The following TEX11 variants were observed in gnomAD, a reference collection of about 807,000 sequenced individuals.
The protein encoded by TEX11 is testis expressed 11.
In TEX11, 7 loss-of-function variants were observed where a neutral mutation model predicts 84.4. The observed-to-expected ratio is 0.08, with a 90% CI of 0.05 to 0.16. TEX11 has a LOEUF of 0.16. Ranked by LOEUF, TEX11 falls within the 10% of genes least tolerant of loss-of-function variation. TEX11 has a pLI of 1.00. For synonymous variants in TEX11, 264 were observed against 222.8 expected, an observed-to-expected ratio of 1.18 and a Z score of -1.64; for missense variants, 551 against 660.5, an observed-to-expected ratio of 0.83 and a Z score of 1.82.
At chrX:70,850,361 A>T (rs1232146710) in intron 7 of TEX11, among the ~76,000 whole-genome samples, 1 of 111,746 alleles carries the variant, frequency 8.9e-6, no homozygotes, top group Non-Finnish European at 1.9e-5. Context: ...GACACTATGT[A>T]TCTATTAACA....
intron 11 of TEX11, among the ~76,000 whole-genome samples, chrX:70,732,126 A>G (rs1287614915): frequency 8.9e-6 from 1 of 111,783 alleles, no homozygotes; most frequent in Admixed American, 9.5e-5. Flanking sequence ...AAAACTCTGA[A>G]TAAATTAGGT....
intron 9 of TEX11, among the ~76,000 whole-genome samples, chrX:70,769,831 G>A (rs2090961643): frequency 9.0e-6 from 1 of 111,258 alleles, no homozygotes; most frequent in Non-Finnish European, 1.9e-5. Flanking sequence ...AATTCATTAT[G>A]TTTCCACTAG....
chrX:70,608,947 A>G (rs1684131696), intron 22 of TEX11, 144 bp downstream of exon 22: 2 of 450,421 alleles, frequency 4.4e-6, no homozygotes, highest in Non-Finnish European at 7.4e-6. Flanking sequence ...ATATATAACT[A>G]TTTCCATTTT....
intron 8 of TEX11, among the ~76,000 whole-genome samples, chrX:70,824,314 C>G (rs1392683829): frequency 1.8e-5 from 2 of 112,100 alleles, no homozygotes; most frequent in African/African-American, 6.5e-5. Flanking sequence ...ACTGAGGGTG[C>G]TTCTCTACTT....
At chrX:70,680,646 C>T (rs967012239) in intron 14 of TEX11, among the ~76,000 whole-genome samples, 4 of 110,263 alleles carry the variant, frequency 3.6e-5, no homozygotes, top group Non-Finnish European at 7.6e-5. Flanking sequence ...TACTCAGAAC[C>T]TATAATCTTT....
At chrX:70,868,597 A>G (rs2091611714) in intron 4 of TEX11, among the ~76,000 whole-genome samples, 1 of 111,741 alleles carries the variant, frequency 8.9e-6, no homozygotes, top group Non-Finnish European at 1.9e-5. Context: ...TTGCAGCACT[A>G]TTTACAATAG....
chrX:70,786,559 C>T (rs2091080676), intron 9 of TEX11, among the ~76,000 whole-genome samples: 1 of 111,676 alleles, frequency 9.0e-6, no homozygotes, highest in African/African-American at 3.3e-5. Context: ...TGCTTCCAAA[C>T]TTTATTAACA....
chrX:70,806,849 G>A (rs2091222446), intron 8 of TEX11, 59 bp from the exon 9 acceptor site: 1 of 872,300 alleles, frequency 1.1e-6, no homozygotes, highest in Non-Finnish European at 1.6e-6. Context: ...ACACACTTTG[G>A]GAGGCCGAGG....
At chrX:70,776,036 C>T (rs60185302) in intron 9 of TEX11, among the ~76,000 whole-genome samples, 26,021 of 87,421 alleles carry the variant, frequency 0.3, 4,363 homozygotes, top group African/African-American at 0.58. Flanking sequence ...TGGAGAAGAG[C>T]GTGGAGATTT....
intron 24 of TEX11, among the ~76,000 whole-genome samples, chrX:70,604,018 A>C (rs2089166327): frequency 8.9e-6 from 1 of 112,021 alleles, no homozygotes; most frequent in Non-Finnish European, 1.9e-5. Context: ...AAAAGCAAAG[A>C]AGATTATAGA....
At chrX:70,820,227 T>TAATGG (rs2091311520) in intron 8 of TEX11, among the ~76,000 whole-genome samples, 1 of 111,559 alleles carries the variant, frequency 9.0e-6, no homozygotes, top group African/African-American at 3.3e-5. Context: ...ACATATACAC[T>TAATGG]AATGGAATAG....
At chrX:70,713,522 G>A (rs1372114370) in intron 13 of TEX11, among the ~76,000 whole-genome samples, 2 of 112,092 alleles carry the variant, frequency 1.8e-5, no homozygotes, top group African/African-American at 6.5e-5. Context: ...AGTCTTGGGA[G>A]AGTGTAAGTG....
chrX:70,789,446 G>T (rs1486551878), intron 9 of TEX11, among the ~76,000 whole-genome samples: 1 of 111,431 alleles, frequency 9.0e-6, no homozygotes, highest in South Asian at 3.8e-4. Flanking sequence ...ACAAAAATTA[G>T]CTAGGCATGG....
chrX:70,722,242 T>A (rs2090564988), intron 13 of TEX11, among the ~76,000 whole-genome samples: 1 of 112,180 alleles, frequency 8.9e-6, no homozygotes, highest in Admixed American at 9.5e-5. Context: ...CTATTTGGAT[T>A]TGATACATGG....
At chrX:70,700,048 G>A (rs972579608) in intron 13 of TEX11, among the ~76,000 whole-genome samples, 1 of 111,370 alleles carries the variant, frequency 9.0e-6, no homozygotes, top group Non-Finnish European at 1.9e-5. Flanking sequence ...GGTACGATGT[G>A]TGAACAGGCA....
chrX:70,663,518 A>G (rs1247212095), intron 16 of TEX11, among the ~76,000 whole-genome samples: 6 of 111,385 alleles, frequency 5.4e-5, no homozygotes, highest in Non-Finnish European at 1.1e-4. Context: ...TTCAAATTAG[A>G]TGATTTTTAG....
At chrX:70,760,933 T>C (rs1387441099) in intron 9 of TEX11, among the ~76,000 whole-genome samples, 1 of 111,538 alleles carries the variant, frequency 9.0e-6, no homozygotes, top group Non-Finnish European at 1.9e-5. Flanking sequence ...AACAACCCCA[T>C]GAAAAAGTAG....
chrX:70,658,827 T>G (rs754367765), intron 16 of TEX11, among the ~76,000 whole-genome samples: 1 of 111,108 alleles, frequency 9.0e-6, no homozygotes, highest in South Asian at 3.8e-4. Flanking sequence ...GATATAGTAA[T>G]CAAAACAGTA....
At chrX:70,624,812 C>A in intron 19 of TEX11, 27 bp downstream of exon 19, 1 of 1,133,438 alleles carries the variant, frequency 8.8e-7, no homozygotes, top group Non-Finnish European at 1.2e-6. Context: ...GAAATACTTT[C>A]TCTTCCACAG....
Sources: gnomAD v4.1 joint callset for allele counts (sites outside exome capture counted in the v4.1 genomes callset) on GRCh38, gnomAD v4.1.1 for gene constraint, MANE v1.5 for transcripts, NCBI Gene and HGNC (gene_info 2026-07-23, HGNC 2026-07-21) for gene names.